The following LARGE1 variants were observed in gnomAD, a reference collection of about 807,000 sequenced individuals.
LARGE1 encodes xylosyl- and glucuronyltransferase LARGE1.
In LARGE1, 43 loss-of-function variants were observed where a neutral mutation model predicts 87.6. That is an observed-to-expected ratio of 0.49 (90% CI 0.38 to 0.63). The LOEUF (loss-of-function observed/expected upper bound fraction) is 0.63. Among genes scored for constraint, LARGE1 ranks in the 30% least tolerant of loss-of-function variants. The probability of loss-of-function intolerance (pLI) is 0.00; values close to 1 mark genes in which losing one functional copy is unlikely to be tolerated. For synonymous variants in LARGE1, 434 were observed against 394.6 expected (o/e 1.10, Z -1.18); for missense variants, 802 against 1,000.2 (o/e 0.80, Z 2.67).
chr22:33,090,153 C>A, the LARGE1 span, among the ~76,000 whole-genome samples: 1 of 152,072 alleles, frequency 6.6e-6, no homozygotes, highest in South Asian at 2.1e-4. Context: ...TGCAGATAGC[C>A]GAGATCGCAC....
At chr22:33,498,463 C>T (rs549035715) in intron 6 of LARGE1, among the ~76,000 whole-genome samples, 57 of 152,262 alleles carry the variant, frequency 3.7e-4, no homozygotes, top group Non-Finnish European at 6.3e-4. Flanking sequence ...CATATATTAA[C>T]GATGCTGCTA....
intron 6 of LARGE1, chr22:33,563,086 C>T (rs2077909803): frequency 6.6e-6 from 1 of 152,440 alleles, no homozygotes; most frequent in Non-Finnish European, 1.5e-5. Flanking sequence ...GTGGGGTGTC[C>T]CACGAAGGGG....
chr22:33,176,766 A>G (rs1922894998), intron 11 of LARGE1, among the ~76,000 whole-genome samples: 1 of 152,248 alleles, frequency 6.6e-6, no homozygotes, highest in South Asian at 2.1e-4. Context: ...TCAAGGATCT[A>G]GAATTAGAAA....
intron 11 of LARGE1, among the ~76,000 whole-genome samples, chr22:33,170,911 C>A (rs1270781719): frequency 6.6e-6 from 1 of 152,116 alleles, no homozygotes; most frequent in Non-Finnish European, 1.5e-5. Flanking sequence ...CAGAAGAAGA[C>A]AGGAAGATGT....
chr22:33,861,925 C>G (rs2063937799), intron 1 of LARGE1, among the ~76,000 whole-genome samples: 1 of 138,844 alleles, frequency 7.2e-6, no homozygotes. Flanking sequence ...GTGGCATGAT[C>G]TCAGCTCACT....
At chr22:33,707,090 T>C (rs1386764977) in intron 2 of LARGE1, among the ~76,000 whole-genome samples, 1 of 152,228 alleles carries the variant, frequency 6.6e-6, no homozygotes, top group Non-Finnish European at 1.5e-5. Flanking sequence ...AATTCTGTCA[T>C]CTTCAGTAGA....
intron 7 of LARGE1, among the ~76,000 whole-genome samples, chr22:33,419,911 C>G (rs2066633410): frequency 6.6e-6 from 1 of 152,084 alleles, no homozygotes; most frequent in Non-Finnish European, 1.5e-5. Flanking sequence ...CCAGGCTGGT[C>G]TCGAACTCCT....
intron 6 of LARGE1, among the ~76,000 whole-genome samples, chr22:33,560,208 C>T (rs1277479563): frequency 6.6e-6 from 1 of 152,202 alleles, no homozygotes; most frequent in Non-Finnish European, 1.5e-5. Context: ...GTAATCACTT[C>T]ATGGGAGGGT....
intron 9 of LARGE1, among the ~76,000 whole-genome samples, chr22:33,369,728 C>A (rs1216282072): frequency 1.3e-5 from 2 of 152,036 alleles, no homozygotes; most frequent in Admixed American, 6.6e-5. Context: ...ATCACCACAC[C>A]CGGCTAATTT....
intron 11 of LARGE1, among the ~76,000 whole-genome samples, chr22:33,231,881 T>C (rs1238705794): frequency 2.0e-5 from 3 of 152,240 alleles, no homozygotes; most frequent in Non-Finnish European, 1.5e-5. Flanking sequence ...CCATCATTAA[T>C]TCTGCTGTTG....
At chr22:33,233,223 C>T (rs188917612) in intron 11 of LARGE1, among the ~76,000 whole-genome samples, 21 of 151,914 alleles carry the variant, frequency 1.4e-4, no homozygotes, top group African/African-American at 4.8e-4. Flanking sequence ...AGGTAACTTC[C>T]GGGTATAGGA....
chr22:33,214,410 T>C (rs947128126), intron 11 of LARGE1, among the ~76,000 whole-genome samples: 4 of 151,968 alleles, frequency 2.6e-5, no homozygotes, highest in Non-Finnish European at 4.4e-5. Flanking sequence ...TACTTCAACA[T>C]ACAAATTTGG....
chr22:33,877,047 T>C (rs2064490103), intron 1 of LARGE1, among the ~76,000 whole-genome samples: 1 of 152,228 alleles, frequency 6.6e-6, no homozygotes, highest in African/African-American at 2.4e-5. Flanking sequence ...CCAACAACTG[T>C]GAGTGATCAT....
intron 6 of LARGE1, chr22:33,436,568 G>C (rs1282280085): frequency 2.6e-5 from 4 of 154,186 alleles, no homozygotes; most frequent in Non-Finnish European, 5.9e-5. Context: ...TTGACACCTT[G>C]AGCCGATCTT....
chr22:33,403,933 G>C (rs180793491), intron 7 of LARGE1, among the ~76,000 whole-genome samples: 194 of 152,206 alleles, frequency 1.3e-3, no homozygotes, highest in Admixed American at 2.3e-3. Context: ...CTCTTTCCTA[G>C]TTTGCAAAAT....
At chr22:33,118,320 A>C in the LARGE1 span, among the ~76,000 whole-genome samples, 1 of 151,678 alleles carries the variant, frequency 6.6e-6, no homozygotes, top group Admixed American at 6.6e-5. Context: ...TCATCTCTAC[A>C]AAATAAAAAT....
chr22:33,605,717 G>A (rs1262258984), intron 4 of LARGE1, among the ~76,000 whole-genome samples: 2 of 152,144 alleles, frequency 1.3e-5, no homozygotes, highest in Non-Finnish European at 2.9e-5. Flanking sequence ...GTACCTACTA[G>A]AAATAAAGCA....
At chr22:33,498,335 C>T (rs1602120237) in intron 6 of LARGE1, among the ~76,000 whole-genome samples, 1 of 152,298 alleles carries the variant, frequency 6.6e-6, no homozygotes, top group East Asian at 1.9e-4. Flanking sequence ...AACAGTCCTT[C>T]AGGCAGGGCT....
intron 11 of LARGE1, among the ~76,000 whole-genome samples, chr22:33,220,414 G>T (rs1925403052): frequency 6.6e-6 from 1 of 152,150 alleles, no homozygotes; most frequent in African/African-American, 2.4e-5. Context: ...CAAGCAAAAA[G>T]ACTAAAGACA....
Sources: gnomAD v4.1 joint callset for allele counts (sites outside exome capture counted in the v4.1 genomes callset) on GRCh38, gnomAD v4.1.1 for gene constraint, MANE v1.5 for transcripts, NCBI Gene and HGNC (gene_info 2026-07-23, HGNC 2026-07-21) for gene names.